The following ADGRD1 variants were observed in gnomAD, a reference collection of about 807,000 sequenced individuals.
The protein encoded by ADGRD1 is adhesion G protein-coupled receptor D1, also known as G-protein coupled receptor 133.
ADGRD1 carries 77 observed loss-of-function variants against 113.4 expected under a neutral mutation model. The observed-to-expected ratio is 0.68, with a 90% CI of 0.57 to 0.82. The LOEUF is 0.82. Among genes scored for constraint, ADGRD1 ranks in the 40% least tolerant of loss-of-function variants. The pLI is 0.00. For missense variants in ADGRD1, 1,036 were observed against 1,139.1 expected (o/e 0.91, Z 1.30); for synonymous variants, 474 against 475.0 (o/e 1.00, Z 0.03).
chr12:131,020,256 T>C (rs1195908), intron 13 of ADGRD1, among the ~76,000 whole-genome samples: 6,487 of 23,406 alleles, frequency 0.28, 1,775 homozygotes, highest in East Asian at 0.63. Context: ...AGGGGGTGCT[T>C]GAGGGAGATA....
intron 20 of ADGRD1, among the ~76,000 whole-genome samples, chr12:131,129,118 G>GCCCTGCTGTCTGGTGTGAGTGACAGCCCT (rs1950829289): frequency 9.8e-6 from 1 of 102,180 alleles, no homozygotes; most frequent in African/African-American, 4.1e-5. Flanking sequence ...GTGACAGGCC[G>GCCCTGCTGTCTGGTGTGAGTGACAGCCCT]GCCCTGCTGT....
chr12:131,062,948 A>T (rs1032619568), intron 13 of ADGRD1, among the ~76,000 whole-genome samples: 14 of 152,174 alleles, frequency 9.2e-5, no homozygotes, highest in Non-Finnish European at 1.8e-4. Context: ...AGTTGTTCTC[A>T]TCATGGTCTT....
rs566867709 is a variant in ADGRD1, at chr12:131,051,187, C to G, written c.1474-25614C>G. Reference sequence around the variant, plus strand: ...TGCCCAGCTGGGGGAGGAAGATGCACAAAGTCTCGCCCATGTCCCGGGGTG... The same window carrying G: ...TGCCCAGCTGGGGGAGGAAGATGCAGAAAGTCTCGCCCATGTCCCGGGGTG... On this transcript the variant is annotated intron_variant, in intron 13 of 24. Coordinates refer to ENST00000261654, the MANE Select transcript of ADGRD1 (RefSeq NM_198827.5). 5.9e-5 allele frequency among the ~76,000 whole-genome samples: 9 copies of G among 152,372 alleles called. No individual in the cohort carries two copies. In the East Asian group the frequency reaches 1.7e-3, roughly 29 times the overall value.
chr12:131,018,023 C>T (rs547753750), intron 13 of ADGRD1, among the ~76,000 whole-genome samples: 11 of 152,122 alleles, frequency 7.2e-5, no homozygotes, highest in South Asian at 4.2e-4. Context: ...CCACACACAC[C>T]GACACACACA....
intron 13 of ADGRD1, among the ~76,000 whole-genome samples, chr12:131,052,077 C>T (rs147508345): frequency 1.4e-3 from 213 of 152,286 alleles, no homozygotes; most frequent in African/African-American, 4.9e-3. Context: ...TGAAAACTTC[C>T]AGCTCCTCCT....
intron 13 of ADGRD1, among the ~76,000 whole-genome samples, chr12:131,064,032 A>C (rs778229982): frequency 6.6e-6 from 1 of 152,220 alleles, no homozygotes; most frequent in Non-Finnish European, 1.5e-5. Context: ...CTAAATGTAC[A>C]TTTTTTGAGT....
rs545478976 is a variant in ADGRD1 at position 131,084,578 on chromosome 12, T to C, written c.1586T>C (p.Leu529Pro). Residue 529 changes from leucine to proline, a missense_variant, in exon 15 of 25, where the codon CTC becomes CCC. Leu to Pro is a moderately conservative substitution (Grantham distance 98). Coordinates refer to ENST00000261654, the MANE Select transcript of ADGRD1 (RefSeq NM_198827.5). This position sits in a 1 kb window ranked among gnomAD's most constrained non-coding sequence, Gnocchi z 4.5. ...GTCTGGTCGAACCACGGCTGTGCGCTCACGAGAGGAAACCTCACCTACTCC... is the reference window on the plus strand; with the variant it reads ...GTCTGGTCGAACCACGGCTGTGCGCCCACGAGAGGAAACCTCACCTACTCC... ...EGVWSNHGCA[L>P]TRGNLTYSVC... 31 of 1,614,114 alleles carry C rather than the reference T, an allele frequency of 1.9e-5. 1 individual carries two copies. In the South Asian group the frequency reaches 3.0e-4, roughly 15 times the overall value.
chr12:130,963,318 T>G (rs1870607558), intron 2 of ADGRD1, among the ~76,000 whole-genome samples: 1 of 20,654 alleles, frequency 4.8e-5, no homozygotes, highest in Non-Finnish European at 1.1e-4. Flanking sequence ...AGACTCCGTC[T>G]CAAAAAAAAA....
At chr12:131,056,358 G>A (rs1414890151) in intron 13 of ADGRD1, among the ~76,000 whole-genome samples, 1 of 152,194 alleles carries the variant, frequency 6.6e-6, no homozygotes, top group East Asian at 1.9e-4. Flanking sequence ...AAGGACCACT[G>A]CCCATTCTTT....
intron 17 of ADGRD1, among the ~76,000 whole-genome samples, chr12:131,108,339 A>G (rs901959646): frequency 6.6e-6 from 1 of 152,056 alleles, no homozygotes; most frequent in Non-Finnish European, 1.5e-5. Context: ...TCCAGTCCTC[A>G]CTTGAAGGGA....
At chr12:130,983,329 A>G (rs1873246257) in intron 5 of ADGRD1, among the ~76,000 whole-genome samples, 2 of 152,314 alleles carry the variant, frequency 1.3e-5, no homozygotes, top group Non-Finnish European at 2.9e-5. Context: ...GGGGCAGTTC[A>G]GCAAACATCT....
At chr12:131,080,918 C>A (rs1332422857) in intron 14 of ADGRD1, among the ~76,000 whole-genome samples, 1 of 152,180 alleles carries the variant, frequency 6.6e-6, no homozygotes, top group Non-Finnish European at 1.5e-5. Flanking sequence ...CTGCACCCGG[C>A]CTAGTTTTAT....
intron 13 of ADGRD1, among the ~76,000 whole-genome samples, chr12:131,056,053 T>C (rs1350465123): frequency 6.6e-6 from 1 of 152,178 alleles, no homozygotes; most frequent in East Asian, 1.9e-4. Context: ...TATGGTCCCC[T>C]GGGGGCAAAC....
intron 14 of ADGRD1, among the ~76,000 whole-genome samples, chr12:131,079,636 ACATT>A (rs1390913119): frequency 1.3e-5 from 2 of 152,214 alleles, no homozygotes; most frequent in Admixed American, 1.3e-4. Context: ...TTTCAACTAC[ACATT>A]CAGTTTCTTT....
intron 2 of ADGRD1, chr12:130,962,132 C>CA (rs1870441224): frequency 6.6e-6 from 1 of 152,334 alleles, no homozygotes; most frequent in Non-Finnish European, 1.5e-5. Context: ...CTGCGGGTGT[C>CA]ACAGCTTGCA....
At position 131,131,799 on chromosome 12, in the gene ADGRD1, A is replaced by AGACCC; in HGVS notation, c.2251_2255dup (p.Ser753ThrfsTer7). Reference sequence around the variant, plus strand: ...GCGCCGACAACTACAAGATCCATGGAGACCCCAGTGCCTTCAAGTAAGTTG... The same window carrying AGACCC: ...GCGCCGACAACTACAAGATCCATGGAGACCCGACCCCAGTGCCTTCAAGTAAGTTG... On this transcript the variant is annotated frameshift_variant, in exon 21 of 25. Transcript: ENST00000261654. LOFTEE classifies it high-confidence loss of function. The AGACCC allele has an allele frequency of 1.2e-6, 2 of 1,611,718 alleles. No individual in the cohort carries two copies. The highest frequency in any genetic ancestry group is 1.7e-6 in the Non-Finnish European group (2 of 1,177,904).
rs149778160 is a variant in ADGRD1 at position 131,018,717 on chromosome 12, G to A, written c.1473+4377G>A. Among the ~76,000 whole-genome samples the A allele has an allele frequency of 6.4e-3, 970 of 152,318 alleles. 4 individuals carry two copies. The highest frequency in any genetic ancestry group is 9.5e-3 in the Non-Finnish European group (648 of 68,032). On this transcript the variant is annotated intron_variant, in intron 13 of 24. Coordinates refer to ENST00000261654, the MANE Select transcript of ADGRD1 (RefSeq NM_198827.5). ...GGCAAATCAATGTATTTTGCTTAACGCTGTTTAGTGGCACCCCTGGATCGT... is the reference window on the plus strand; with the variant it reads ...GGCAAATCAATGTATTTTGCTTAACACTGTTTAGTGGCACCCCTGGATCGT...
chr12:131,031,913 C>T (rs1224544098), intron 13 of ADGRD1, among the ~76,000 whole-genome samples: 4 of 152,218 alleles, frequency 2.6e-5, no homozygotes, highest in African/African-American at 7.2e-5. Flanking sequence ...CTGTGGGAAG[C>T]TGGGGAGCCA....
intron 13 of ADGRD1, among the ~76,000 whole-genome samples, chr12:131,068,823 C>T (rs1363985997): frequency 6.6e-6 from 1 of 152,220 alleles, no homozygotes; most frequent in Non-Finnish European, 1.5e-5. Flanking sequence ...TAAATTCTAG[C>T]TGAGATTTCA....
Sources: allele counts gnomAD v4.1 joint callset (sites outside exome capture counted in the v4.1 genomes callset), GRCh38; gene constraint gnomAD v4.1.1; non-coding constraint Gnocchi (gnomAD v3.1); transcripts MANE v1.5; gene names NCBI Gene and HGNC (gene_info 2026-07-23, HGNC 2026-07-21).